FGGY: variants seen among roughly 807,000 people sequenced by gnomAD.
FGGY encodes the protein FGGY carbohydrate kinase domain-containing protein.
In FGGY, 72 loss-of-function variants were observed where a neutral mutation model predicts 71.3. That is an observed-to-expected ratio of 1.01 (90% CI 0.84 to 1.23). FGGY has a LOEUF of 1.23. Ranked by LOEUF, FGGY falls within the 50% of genes most tolerant of loss-of-function variation. FGGY has a pLI of 0.00. For synonymous variants in FGGY, 251 were observed against 250.3 expected (o/e 1.00, Z -0.02); for missense variants, 668 against 682.3 (o/e 0.98, Z 0.23).
chr1:59,499,737 T>C (rs1189724047), intron 6 of FGGY, among the ~76,000 whole-genome samples: 2 of 152,200 alleles, frequency 1.3e-5, no homozygotes, highest in African/African-American at 4.8e-5. Flanking sequence ...ATCTTATTAG[T>C]GTAACTGAAC....
At chr1:59,386,851 T>C (rs553698580) in intron 5 of FGGY, among the ~76,000 whole-genome samples, 16 of 152,290 alleles carry the variant, frequency 1.1e-4, no homozygotes, top group African/African-American at 3.6e-4. Context: ...ATTTCTATAA[T>C]TTTAGGTTTA....
At chr1:59,388,349 C>A (rs2060316100) in intron 5 of FGGY, among the ~76,000 whole-genome samples, 1 of 152,148 alleles carries the variant, frequency 6.6e-6, no homozygotes, top group African/African-American at 2.4e-5. Flanking sequence ...GTGGCTTAAT[C>A]TATTCCAGTC....
intron 4 of FGGY, among the ~76,000 whole-genome samples, chr1:59,363,083 G>A (rs2055911128): frequency 6.6e-6 from 1 of 152,214 alleles, no homozygotes; most frequent in African/African-American, 2.4e-5. Context: ...GAAGAACAAG[G>A]ATTGTGGAGG....
At chr1:59,659,304 A>G (rs1337835589) in intron 11 of FGGY, among the ~76,000 whole-genome samples, 2 of 152,162 alleles carry the variant, frequency 1.3e-5, no homozygotes. Flanking sequence ...ATCTGGAGAG[A>G]GTAATTAAAT....
At chr1:59,484,356 T>C (rs1245749191) in intron 6 of FGGY, among the ~76,000 whole-genome samples, 1 of 152,156 alleles carries the variant, frequency 6.6e-6, no homozygotes, top group Non-Finnish European at 1.5e-5. Context: ...ATATCATCTT[T>C]CTCCCTGCTC....
At chr1:59,524,940 GGCAATGA>G (rs1209053393) in intron 7 of FGGY, among the ~76,000 whole-genome samples, 4 of 152,348 alleles carry the variant, frequency 2.6e-5, no homozygotes, top group Non-Finnish European at 5.9e-5. Flanking sequence ...CTACTTTGTG[GGCAATGA>G]GGAGAGAAGA....
intron 14 of FGGY, among the ~76,000 whole-genome samples, chr1:59,737,811 A>C (rs1471926376): frequency 6.6e-6 from 1 of 152,138 alleles, no homozygotes; most frequent in African/African-American, 2.4e-5. Flanking sequence ...GGAAGGCATG[A>C]TTAGTTTTGA....
intron 5 of FGGY, among the ~76,000 whole-genome samples, chr1:59,416,093 G>C (rs1264372731): frequency 1.3e-5 from 2 of 152,198 alleles, no homozygotes; most frequent in African/African-American, 4.8e-5. Flanking sequence ...AGTTACAGTG[G>C]AGAAGAGAAT....
chr1:59,329,247 C>T (rs1423693478), intron 2 of FGGY, among the ~76,000 whole-genome samples: 4 of 152,164 alleles, frequency 2.6e-5, no homozygotes, highest in African/African-American at 9.7e-5. Context: ...TTTGATTCCC[C>T]AGCATACATA....
chr1:59,428,589 G>A (rs568759869), intron 5 of FGGY, among the ~76,000 whole-genome samples: 5 of 152,312 alleles, frequency 3.3e-5, no homozygotes, highest in Non-Finnish European at 4.4e-5. Flanking sequence ...AAAGGTGCAC[G>A]TGACCTTGGG....
intron 8 of FGGY, among the ~76,000 whole-genome samples, chr1:59,598,087 T>C (rs2096541481): frequency 6.6e-6 from 1 of 152,080 alleles, no homozygotes; most frequent in South Asian, 2.1e-4. Context: ...GCGTGATCCA[T>C]AGAATAGACC....
intron 5 of FGGY, among the ~76,000 whole-genome samples, chr1:59,405,283 C>T (rs1334632281): frequency 6.6e-6 from 1 of 152,192 alleles, no homozygotes; most frequent in Non-Finnish European, 1.5e-5. Flanking sequence ...AAGAAATGAA[C>T]AGAGAGCTAA....
At chr1:59,360,412 C>G (rs562450120) in intron 4 of FGGY, among the ~76,000 whole-genome samples, 2 of 152,250 alleles carry the variant, frequency 1.3e-5, no homozygotes, top group East Asian at 3.9e-4. Flanking sequence ...AATCACTGTA[C>G]AAGTATTTAT....
intron 8 of FGGY, among the ~76,000 whole-genome samples, chr1:59,579,947 C>G (rs539096604): frequency 2.4e-4 from 37 of 152,296 alleles, no homozygotes; most frequent in African/African-American, 8.7e-4. Flanking sequence ...TGCAGCTGCC[C>G]TGATTCTTTG....
At chr1:59,363,524 G>A (rs193118057) in intron 4 of FGGY, among the ~76,000 whole-genome samples, 132 of 152,318 alleles carry the variant, frequency 8.7e-4, no homozygotes, top group African/African-American at 3.0e-3. Flanking sequence ...TAGTTGAGTA[G>A]ATTGCTCAAG....
chr1:59,375,676 T>C (rs946950921), intron 4 of FGGY, among the ~76,000 whole-genome samples: 1 of 152,136 alleles, frequency 6.6e-6, no homozygotes, highest in African/African-American at 2.4e-5. Context: ...CTTTGATTGG[T>C]GACGGTTAGT....
At chr1:59,446,638 A>C (rs2071316807) in intron 5 of FGGY, among the ~76,000 whole-genome samples, 1 of 152,170 alleles carries the variant, frequency 6.6e-6, no homozygotes, top group Non-Finnish European at 1.5e-5. Flanking sequence ...CAGGGCTGGT[A>C]ATTCAGTCTG....
intron 14 of FGGY, among the ~76,000 whole-genome samples, chr1:59,718,375 C>T (rs1573626199): frequency 1.3e-5 from 2 of 152,150 alleles, no homozygotes; most frequent in Non-Finnish European, 2.9e-5. Context: ...ATCAGCCAAG[C>T]TCGTGGTTGG....
At chr1:59,313,304 A>G (rs1166160510) in intron 1 of FGGY, among the ~76,000 whole-genome samples, 1 of 152,202 alleles carries the variant, frequency 6.6e-6, no homozygotes, top group Admixed American at 6.5e-5. Flanking sequence ...TGGAGGACAC[A>G]AGCATTCAGA....
Sources: allele counts gnomAD v4.1 joint callset (sites outside exome capture counted in the v4.1 genomes callset), GRCh38; gene constraint gnomAD v4.1.1; transcripts MANE v1.5; gene names NCBI Gene and HGNC (gene_info 2026-07-23, HGNC 2026-07-21).